CDC40: variants seen among roughly 807,000 people sequenced by gnomAD.
CDC40 encodes the protein pre-mRNA-processing factor 17.
A neutral mutation model predicts 80.6 loss-of-function variants in CDC40; 27 were observed. The ratio of observed to expected loss-of-function variants is 0.33; its 90% CI spans 0.25 to 0.46. The LOEUF is 0.46. Ranked by LOEUF, CDC40 falls within the 20% of genes least tolerant of loss-of-function variation. The pLI is 1.00. For missense variants in CDC40, 486 were observed against 694.1 expected, an observed-to-expected ratio of 0.70 and a Z score of 3.37; for synonymous variants, 221 against 232.6, an observed-to-expected ratio of 0.95 and a Z score of 0.45.
At chr6:110,213,527 C>G (rs1014040338) in intron 8 of CDC40, among the ~76,000 whole-genome samples, 4 of 151,630 alleles carry the variant, frequency 2.6e-5, no homozygotes, top group Admixed American at 2.6e-4. Flanking sequence ...GTAGCTAGGA[C>G]TACAGGCACC....
At chr6:110,205,794 C>T (rs1027251725) in intron 3 of CDC40, among the ~76,000 whole-genome samples, 1 of 152,108 alleles carries the variant, frequency 6.6e-6, no homozygotes, top group Non-Finnish European at 1.5e-5. Context: ...AAACTTTTAA[C>T]ATGGTATGAG....
chr6:110,222,334 G>A (rs186841892), intron 12 of CDC40, among the ~76,000 whole-genome samples: 285 of 152,052 alleles, frequency 1.9e-3, no homozygotes, highest in African/African-American at 5.5e-3. Flanking sequence ...CGAGGCAGGC[G>A]GATCACGAAG....
chr6:110,193,704 C>G (rs117988526), intron 2 of CDC40, among the ~76,000 whole-genome samples: 1 of 152,118 alleles, frequency 6.6e-6, no homozygotes, highest in Non-Finnish European at 1.5e-5. Context: ...TGCGCCCAGC[C>G]GAAAATACAT....
chr6:110,209,166 T>A lies in CDC40; in HGVS notation c.573T>A (p.Gly191=), dbSNP rs1287294270. The A allele has an allele frequency of 6.2e-7, 1 of 1,610,728 alleles. No individual in the cohort carries two copies. The highest frequency in any genetic ancestry group is 1.7e-5 in the Admixed American group (1 of 60,000). ...AAAATGATGCATCCAATATTGATGGTTTTTTGGGACCATGGGCAAAATATG... is the reference window on the plus strand; with the variant it reads ...AAAATGATGCATCCAATATTGATGGATTTTTGGGACCATGGGCAAAATATG... The part of the protein sequence containing the change: ...FKENDASNID[G]FLGPWAKYVD... The change falls in exon 5 of 15, where the codon GGT becomes GGA. Residue 191 remains glycine, a synonymous_variant. Coordinates refer to ENST00000307731, the MANE Select transcript of CDC40 (RefSeq NM_015891.3).
At position 110,219,473 on chromosome 6, in the gene CDC40, T is replaced by C. The variant is rs760892574; in HGVS notation, c.1200T>C (p.Ile400=). The C allele has an allele frequency of 5.8e-6, 9 of 1,563,252 alleles. No individual in the cohort carries two copies. Among genetic ancestry groups the C allele is most frequent in the Non-Finnish European group, 7.1e-6 (8 of 1,134,284 alleles). ...LFVAGMSDKK[I]VQWDIRSGEI... ...TGGCTGGGATGTCTGATAAGAAGAT[T>C]GTGCAAGTAAGTCTTTCACAGTATT... The change falls in exon 11 of 15, where the codon ATT becomes ATC. Residue 400 remains isoleucine, a synonymous_variant. Transcript: ENST00000307731.
chr6:110,187,732 GA>G (rs1210345858), intron 1 of CDC40, among the ~76,000 whole-genome samples: 1 of 152,170 alleles, frequency 6.6e-6, no homozygotes, highest in Non-Finnish European at 1.5e-5. Context: ...GGAAAAGACT[GA>G]AAAGTGAATA....
At chr6:110,197,043 A>G (rs1038197905) in intron 2 of CDC40, among the ~76,000 whole-genome samples, 1 of 152,136 alleles carries the variant, frequency 6.6e-6, no homozygotes, top group Admixed American at 6.5e-5. Context: ...AATTCCTGCA[A>G]TGTTATAATA....
intron 2 of CDC40, among the ~76,000 whole-genome samples, chr6:110,200,789 A>C (rs372600293): frequency 6.6e-6 from 1 of 152,252 alleles, no homozygotes; most frequent in East Asian, 1.9e-4. Flanking sequence ...TGAGAAGGAG[A>C]ATACTTGTTT....
intron 10 of CDC40, among the ~76,000 whole-genome samples, chr6:110,218,727 C>G (rs898212584): frequency 6.6e-6 from 1 of 151,962 alleles, no homozygotes; most frequent in Non-Finnish European, 1.5e-5. Flanking sequence ...TACTGTGTAG[C>G]CAAGGCTGAG....
chr6:110,186,918 GA>G (rs1777279903), intron 1 of CDC40, among the ~76,000 whole-genome samples: 1 of 152,070 alleles, frequency 6.6e-6, no homozygotes, highest in East Asian at 1.9e-4. Context: ...TCCTCTTCTG[GA>G]ACGCCAATTA....
intron 2 of CDC40, among the ~76,000 whole-genome samples, chr6:110,195,986 A>G (rs1427159166): frequency 6.6e-6 from 1 of 152,186 alleles, no homozygotes; most frequent in Non-Finnish European, 1.5e-5. Flanking sequence ...GCATTATGGA[A>G]AAGAACAGGG....
intron 9 of CDC40, among the ~76,000 whole-genome samples, chr6:110,216,224 T>G (rs755152165): frequency 4.6e-5 from 7 of 152,160 alleles, no homozygotes; most frequent in Non-Finnish European, 1.0e-4. Context: ...ACAAACCAGA[T>G]TTTTGGTAGA....
chr6:110,187,168 C>T (rs542815628), intron 1 of CDC40, among the ~76,000 whole-genome samples: 14 of 152,190 alleles, frequency 9.2e-5, no homozygotes, highest in South Asian at 8.3e-4. Flanking sequence ...TTAGTAGAGA[C>T]GGGGTTTCAC....
At chr6:110,206,072 T>A (rs1300715630) in intron 3 of CDC40, among the ~76,000 whole-genome samples, 1 of 152,176 alleles carries the variant, frequency 6.6e-6, no homozygotes, top group East Asian at 1.9e-4. Context: ...ATCCTTAGCT[T>A]GTTTGAAAAG....
chr6:110,207,314 CAAA>C (rs869177206), intron 3 of CDC40, among the ~76,000 whole-genome samples, 189 bp from the exon 4 acceptor site: 5 of 52,524 alleles, frequency 9.5e-5, no homozygotes, highest in African/African-American at 2.2e-4. Context: ...GACCCTATCT[CAAA>C]AAAAAAAAAA....
intron 5 of CDC40, among the ~76,000 whole-genome samples, chr6:110,210,082 A>AT (rs1219369705): frequency 2.6e-5 from 4 of 152,068 alleles, no homozygotes. Flanking sequence ...CTGAAACTAG[A>AT]TTTTCTGATT....
intron 3 of CDC40, 102 bp from the exon 4 acceptor site, chr6:110,207,404 C>A: frequency 1.8e-6 from 1 of 560,484 alleles, no homozygotes; most frequent in East Asian, 3.7e-5. Context: ...TCATTTTTGA[C>A]ATCTGGGAAA....
rs1222630856 is a variant in CDC40, at chr6:110,193,202, T to G, written c.210T>G (p.Val70=). The G allele has an allele frequency of 6.2e-7, 1 of 1,603,760 alleles. No individual in the cohort carries two copies. Among genetic ancestry groups the G allele is most frequent in the African/African-American group, 1.3e-5 (1 of 74,648 alleles). Residue 70 remains valine (V), a synonymous_variant, in exon 2 of 15, where the codon GTT becomes GTG. Transcript: ENST00000307731. ...TTTAGGAAGATTTGGAGACTGGAGT[T>G]CACCTTGACCCTGCCGTCAAAGAAG... is the stretch of plus-strand genomic sequence containing the variant. ...VAVKEDLETG[V]HLDPAVKEVQ...
At chr6:110,213,213 A>G in intron 8 of CDC40, 53 bp downstream of exon 8, 1 of 1,125,706 alleles carries the variant, frequency 8.9e-7, no homozygotes. Flanking sequence ...CTTTGTTTAA[A>G]TCTGTTTGAT....
Sources: gnomAD v4.1 joint callset for allele counts (sites outside exome capture counted in the v4.1 genomes callset) on GRCh38, gnomAD v4.1.1 for gene constraint, MANE v1.5 for transcripts, NCBI Gene and HGNC (gene_info 2026-07-23, HGNC 2026-07-21) for gene names.